The following AOX1 variants were observed in gnomAD, a reference collection of about 807,000 sequenced individuals.
AOX1 encodes aldehyde oxidase.
AOX1 carries 153 observed loss-of-function variants against 169.5 expected under a neutral mutation model. The ratio of observed to expected loss-of-function variants is 0.90; its 90% CI spans 0.79 to 1.03. The LOEUF (loss-of-function observed/expected upper bound fraction) is 1.03, where lower values mean the gene tolerates loss of function less well. AOX1 is among the 50% of genes least tolerant of loss of function. The pLI is 0.00. For synonymous variants in AOX1, 562 were observed against 581.9 expected (o/e 0.97, Z 0.49); for missense variants, 1,656 against 1,663.9 (o/e 1.00, Z 0.08).
chr2:200,650,786 C>T (rs1330976782), intron 25 of AOX1, among the ~76,000 whole-genome samples, 188 bp from the exon 26 acceptor site: 2 of 152,106 alleles, frequency 1.3e-5, no homozygotes, highest in Non-Finnish European at 2.9e-5. Context: ...ATTGCTAGCA[C>T]GTTTGATAGA....
intron 32 of AOX1, among the ~76,000 whole-genome samples, chr2:200,667,424 G>T (rs940776097): frequency 1.3e-5 from 2 of 151,928 alleles, no homozygotes; most frequent in Non-Finnish European, 2.9e-5. Flanking sequence ...TCTGATTTAG[G>T]GCACCATCTT....
chr2:200,670,575 C>A, intron 34 of AOX1, 54 bp from the exon 35 acceptor site: 1 of 1,491,978 alleles, frequency 6.7e-7, no homozygotes, highest in Non-Finnish European at 9.3e-7. Flanking sequence ...CTATTTTTCA[C>A]CTAAGTCACA....
At chr2:200,588,726 C>CTTGTTTTTTTTTTTTTTTTT (rs2034096051) in intron 1 of AOX1, among the ~76,000 whole-genome samples, 1 of 53,986 alleles carries the variant, frequency 1.9e-5, no homozygotes, top group Admixed American at 2.1e-4. Flanking sequence ...CTAGAATAAG[C>CTTGTTTTTTTTTTTTTTTTT]TTTTTTTTTT....
chr2:200,620,786 T>C lies in AOX1; in HGVS notation c.1841T>C (p.Phe614Ser), dbSNP rs2105722295. The C allele has an allele frequency of 1.2e-6, 2 of 1,606,660 alleles. No individual in the cohort carries two copies. The highest frequency in any genetic ancestry group is 2.2e-5 in the East Asian group (1 of 44,640). ...PLVDQELFLT[F>S]VTSSRAHAKI... ...GTGGACCAGGAACTTTTCTTGACTT[T>C]TGTGACTAGTTCAAGAGCTCATGCT... Residue 614 changes from phenylalanine to serine, a missense_variant, in exon 17 of 35, where the codon TTT becomes TCT. Coordinates refer to ENST00000374700, the MANE Select transcript of AOX1 (RefSeq NM_001159.4).
At chr2:200,677,932 G>A (rs369368656), downstream of AOX1, among the ~76,000 whole-genome samples, 10 of 152,142 alleles carry the variant, frequency 6.6e-5, no homozygotes, top group African/African-American at 9.7e-5. Flanking sequence ...GTTATGTAAC[G>A]TGCCCAAGAT....
downstream of AOX1, among the ~76,000 whole-genome samples, chr2:200,680,073 C>T (rs2036139544): frequency 6.6e-6 from 1 of 152,084 alleles, no homozygotes; most frequent in Non-Finnish European, 1.5e-5. Context: ...AGCAAGACTT[C>T]ATCTCTAAAA....
chr2:200,640,425 A>G lies in AOX1; in HGVS notation c.2569-673A>G, dbSNP rs551809689. 4.1e-4 allele frequency among the ~76,000 whole-genome samples: 62 copies of G among 152,296 alleles called. No individual in the cohort carries two copies. In the South Asian group the frequency reaches 0.012, roughly 29 times the overall value. On this transcript the variant is annotated intron_variant, in intron 23 of 34. Coordinates refer to ENST00000374700, the MANE Select transcript of AOX1 (RefSeq NM_001159.4). ...AGCGGGAGGCAGCTGATGCATTCAG[A>G]CATGAAGCACATGGGGTCTGAGATA...
intron 16 of AOX1, among the ~76,000 whole-genome samples, chr2:200,618,497 T>G (rs17533098): frequency 0.026 from 3,951 of 152,286 alleles, 91 homozygotes; most frequent in Admixed American, 0.055. Context: ...TGGTTGACAT[T>G]TTACTTCTTG....
intron 14 of AOX1, 134 bp downstream of exon 14, chr2:200,612,927 C>T: frequency 1.5e-6 from 1 of 681,892 alleles, no homozygotes; most frequent in Non-Finnish European, 2.4e-6. Context: ...GCTGGGAATT[C>T]CAATAAGATT....
At chr2:200,589,692 C>A (rs1559227799) in intron 1 of AOX1, among the ~76,000 whole-genome samples, 1 of 152,164 alleles carries the variant, frequency 6.6e-6, no homozygotes, top group Non-Finnish European at 1.5e-5. Context: ...ATAAAATAAT[C>A]TGTTTCATTA....
intron 12 of AOX1, among the ~76,000 whole-genome samples, chr2:200,611,101 T>C (rs148468877): frequency 3.3e-3 from 499 of 152,308 alleles, no homozygotes; most frequent in African/African-American, 0.011. Flanking sequence ...ATGATCCACC[T>C]GCCTTGGCCT....
downstream of AOX1, among the ~76,000 whole-genome samples, chr2:200,680,895 T>G (rs1238446006): frequency 6.6e-6 from 1 of 151,986 alleles, no homozygotes; most frequent in East Asian, 1.9e-4. Flanking sequence ...TGAAGATACA[T>G]TAGTAAAAAT....
downstream of AOX1, chr2:200,678,182 C>T (rs568390605): frequency 2.0e-4 from 31 of 152,244 alleles, no homozygotes; most frequent in African/African-American, 7.2e-4. Context: ...CTGTGGATAC[C>T]AAAAGAATGC....
chr2:200,634,270 C>A (rs1023058972), intron 20 of AOX1, among the ~76,000 whole-genome samples: 51 of 138,474 alleles, frequency 3.7e-4, no homozygotes, highest in South Asian at 9.4e-4. Context: ...ACAACAACAA[C>A]AAAAAAACCC....
At chr2:200,632,312 TA>T (rs35698374) in intron 20 of AOX1, among the ~76,000 whole-genome samples, 19,062 of 150,764 alleles carry the variant, frequency 0.13, 1,583 homozygotes, top group East Asian at 0.43. Context: ...CATATACACA[TA>T]CATATATAAA....
rs1437106928 is a variant in AOX1, at chr2:200,612,701, G to A, written c.1356G>A (p.Gly452=). 6 of 1,614,056 alleles carry A rather than the reference G, an allele frequency of 3.7e-6. No homozygotes were observed. The highest frequency in any genetic ancestry group is 3.3e-4 in the Middle Eastern group (2 of 6,062). ...GAATGAGAGTCTTTTTTGGAGAAGG[G>A]GATGGCATTATTAGAGAGTTATGCA... ...NSGMRVFFGE[G]DGIIRELCIS... The change falls in exon 14 of 35, where the codon GGG becomes GGA. Residue 452 remains glycine (G), a synonymous_variant. Coordinates refer to ENST00000374700, the MANE Select transcript of AOX1 (RefSeq NM_001159.4).
At chr2:200,590,563 AAAC>A (rs572100671) in intron 1 of AOX1, among the ~76,000 whole-genome samples, 26 of 151,918 alleles carry the variant, frequency 1.7e-4, no homozygotes, top group African/African-American at 4.8e-4. Flanking sequence ...CACTACATCA[AAAC>A]AACAACAACA....
At chr2:200,629,730 A>G (rs1057116609) in intron 20 of AOX1, among the ~76,000 whole-genome samples, 5 of 152,202 alleles carry the variant, frequency 3.3e-5, no homozygotes, top group African/African-American at 4.8e-5. Context: ...GGAAATATCA[A>G]TATTTAGGGG....
chr2:200,602,615 G>A (rs1467536326), intron 6 of AOX1, among the ~76,000 whole-genome samples: 1 of 152,052 alleles, frequency 6.6e-6, no homozygotes, highest in African/African-American at 2.4e-5. Flanking sequence ...CTCTTTGCCT[G>A]GGTCAGGTAC....
Sources: allele counts gnomAD v4.1 joint callset (sites outside exome capture counted in the v4.1 genomes callset), GRCh38; gene constraint gnomAD v4.1.1; transcripts MANE v1.5; gene names NCBI Gene and HGNC (gene_info 2026-07-23, HGNC 2026-07-21).